The following COL11A1 variants were observed in gnomAD, a reference collection of about 807,000 sequenced individuals.
COL11A1 encodes collagen type XI alpha 1 chain, also known as collagen alpha-1(XI) chain.
COL11A1 carries 74 observed loss-of-function variants against 265.2 expected under a neutral mutation model. That is an observed-to-expected ratio of 0.28 (90% confidence interval 0.23 to 0.34). The LOEUF is 0.34. COL11A1 is among the 10% of genes least tolerant of loss of function. The pLI is 1.00. For synonymous variants in COL11A1, 816 were observed against 727.6 expected, an observed-to-expected ratio of 1.12 and a Z score of -1.96; for missense variants, 2,165 against 2,263.6, an observed-to-expected ratio of 0.96 and a Z score of 0.88.
chr1:103,077,195 A>G (rs996719880), intron 3 of COL11A1, among the ~76,000 whole-genome samples: 1 of 152,224 alleles, frequency 6.6e-6, no homozygotes, highest in East Asian at 1.9e-4. Context: ...TCAATTAAAA[A>G]TATTTATTGA....
At chr1:102,967,544 A>C (rs1661566703) in intron 37 of COL11A1, among the ~76,000 whole-genome samples, 1 of 151,862 alleles carries the variant, frequency 6.6e-6, no homozygotes. Context: ...CCAGCCAATA[A>C]ATTCATTTTT....
At chr1:103,029,650 T>C (rs568108623) in intron 5 of COL11A1, among the ~76,000 whole-genome samples, 1 of 152,144 alleles carries the variant, frequency 6.6e-6, no homozygotes, top group South Asian at 2.1e-4. Context: ...TGTCATGCAG[T>C]TTCTACTGTA....
At chr1:102,988,963 G>C (rs1156480574) in intron 29 of COL11A1, among the ~76,000 whole-genome samples, 1 of 152,028 alleles carries the variant, frequency 6.6e-6, no homozygotes, top group East Asian at 1.9e-4. Context: ...TTAGGTACTA[G>C]TATATTACTT....
At chr1:103,033,214 C>A (rs565548163) in intron 4 of COL11A1, among the ~76,000 whole-genome samples, 1 of 151,882 alleles carries the variant, frequency 6.6e-6, no homozygotes, top group Non-Finnish European at 1.5e-5. Flanking sequence ...ATGGACATGC[C>A]GCAGTTTATC....
At position 103,108,346 on chromosome 1, in the gene COL11A1, C is replaced by T; in HGVS notation, c.-168G>A. On this transcript the variant is annotated 5_prime_UTR_variant, in exon 1 of 67. Transcript: ENST00000370096. ...TCTTCTAAATTTGATGGTTTGCGTTCTTCGTGTCTCTAGCCCTTTCCTCTC... is the reference window on the plus strand; with the variant it reads ...TCTTCTAAATTTGATGGTTTGCGTTTTTCGTGTCTCTAGCCCTTTCCTCTC... The T allele has an allele frequency of 1.5e-6, 1 of 675,324 alleles. No homozygotes were observed. The highest frequency in any genetic ancestry group is 2.7e-6 in the Non-Finnish European group (1 of 373,694). 41.8% of individuals were successfully genotyped at this position (675,324 alleles called of 1,614,324 possible).
chr1:102,918,092 A>G (rs141382054), intron 49 of COL11A1, among the ~76,000 whole-genome samples: 1 of 151,576 alleles, frequency 6.6e-6, no homozygotes, highest in South Asian at 2.1e-4. Context: ...TCTAATACCA[A>G]AATGCTACAA....
intron 54 of COL11A1, among the ~76,000 whole-genome samples, chr1:102,907,379 G>T (rs186115595): frequency 2.6e-5 from 4 of 152,130 alleles, no homozygotes; most frequent in Non-Finnish European, 1.5e-5. Context: ...TAATGTTAAA[G>T]AACATATGCT....
intron 7 of COL11A1, 112 bp downstream of exon 7, chr1:103,025,409 T>C (rs896785990): frequency 2.5e-6 from 2 of 801,126 alleles, no homozygotes; most frequent in African/African-American, 1.7e-5. Context: ...AGTAAAAGAA[T>C]AAAAACATCA....
At chr1:102,922,449 T>G (rs1187620734) in intron 47 of COL11A1, among the ~76,000 whole-genome samples, 4 of 152,260 alleles carry the variant, frequency 2.6e-5, no homozygotes, top group Middle Eastern at 6.8e-3. Context: ...CAGGCTGGAG[T>G]GCAGTGGCGC....
chr1:103,009,425 T>A (rs532007149), intron 14 of COL11A1, among the ~76,000 whole-genome samples: 1 of 151,798 alleles, frequency 6.6e-6, no homozygotes, highest in South Asian at 2.1e-4. Context: ...AAAAAATAAA[T>A]AAATAAAAAT....
At chr1:102,920,162 AATTTTTG>A in intron 49 of COL11A1, 142 bp downstream of exon 49, 1 of 782,268 alleles carries the variant, frequency 1.3e-6, no homozygotes, top group Non-Finnish European at 2.2e-6. Context: ...TTTTAACTTT[AATTTTTG>A]CAACTACTAG....
intron 29 of COL11A1, 115 bp downstream of exon 29, chr1:102,989,403 A>C (rs911680766): frequency 1.8e-6 from 1 of 554,674 alleles, no homozygotes; most frequent in Non-Finnish European, 3.0e-6. Flanking sequence ...GTAAAGACTT[A>C]GGTAGTACAA....
chr1:102,934,201 A>T (rs1354744438), intron 46 of COL11A1, among the ~76,000 whole-genome samples: 2 of 152,184 alleles, frequency 1.3e-5, no homozygotes, highest in Non-Finnish European at 2.9e-5. Flanking sequence ...GTAATAATTA[A>T]GGTGGGTCTA....
chr1:102,907,660 G>A (rs1654147743), intron 54 of COL11A1, among the ~76,000 whole-genome samples: 1 of 151,862 alleles, frequency 6.6e-6, no homozygotes, highest in African/African-American at 2.4e-5. Flanking sequence ...CCAGTTCAAC[G>A]TTATATACAC....
intron 49 of COL11A1, among the ~76,000 whole-genome samples, chr1:102,919,843 AC>A (rs1434757632): frequency 6.6e-6 from 1 of 152,088 alleles, no homozygotes; most frequent in Non-Finnish European, 1.5e-5. Flanking sequence ...TCAAAATATA[AC>A]AAAATGAATG....
chr1:102,914,272 A>T, intron 52 of COL11A1, 80 bp downstream of exon 52: 2 of 1,120,984 alleles, frequency 1.8e-6, no homozygotes, highest in East Asian at 2.5e-5. Flanking sequence ...AGGTTATTAG[A>T]TTTTTTTTTC....
At chr1:103,101,657 A>G (rs1398785622) in intron 1 of COL11A1, among the ~76,000 whole-genome samples, 1 of 151,886 alleles carries the variant, frequency 6.6e-6, no homozygotes, top group Non-Finnish European at 1.5e-5. Flanking sequence ...AGTTCTATGA[A>G]TAGGGAGCTT....
chr1:103,096,361 A>T (rs944867136), intron 1 of COL11A1, among the ~76,000 whole-genome samples: 1 of 151,970 alleles, frequency 6.6e-6, no homozygotes, highest in Non-Finnish European at 1.5e-5. Context: ...AGAAAAGGAG[A>T]TAAGAGAGAA....
In COL11A1 at chr1:102,996,009, G is replaced by A; in HGVS notation, c.2275C>T (p.Pro759Ser). The A allele has an allele frequency of 6.2e-7, 1 of 1,613,290 alleles. No homozygotes were observed. The highest frequency in any genetic ancestry group is 8.5e-7 in the Non-Finnish European group (1 of 1,179,564). ...PPGPQGPIGY[P>S]GPRGVKGADG... ...GTTACCTTTACTCCCCGGGGGCCCG[G>A]GTATCCAATAGGACCTTGTGGACCA... Residue 759 changes from proline to serine, a missense_variant, in exon 27 of 67, where the codon CCG becomes TCG. Coordinates refer to ENST00000370096, the MANE Select transcript of COL11A1 (RefSeq NM_001854.4).
Sources: allele counts gnomAD v4.1 joint callset (sites outside exome capture counted in the v4.1 genomes callset), GRCh38; gene constraint gnomAD v4.1.1; transcripts MANE v1.5; gene names NCBI Gene and HGNC (gene_info 2026-07-23, HGNC 2026-07-21).